Variants in ADGRG6 observed in about 807,000 individuals in gnomAD.
ADGRG6 encodes the protein adhesion G protein-coupled receptor G6, also known as G-protein coupled receptor 126.
Under a neutral mutation model 142.4 loss-of-function variants are expected in ADGRG6, and 84 were observed. The ratio of observed to expected loss-of-function variants is 0.59; its 90% CI spans 0.49 to 0.71. The LOEUF (loss-of-function observed/expected upper bound fraction) is 0.71. Ranked by LOEUF, ADGRG6 falls within the 30% of genes least tolerant of loss-of-function variation. The pLI is 0.00. For missense variants in ADGRG6, 1,367 were observed against 1,466.6 expected (o/e 0.93, Z 1.11); for synonymous variants, 521 against 520.5 (o/e 1.00, Z -0.01).
intron 17 of ADGRG6, among the ~76,000 whole-genome samples, chr6:142,410,597 A>T (rs1449590710): frequency 6.6e-6 from 1 of 152,112 alleles, no homozygotes; most frequent in African/African-American, 2.4e-5. Flanking sequence ...TACTTTGCTG[A>T]TGAAAACAGC....
At chr6:142,369,380 A>AT (rs1781112814) in intron 3 of ADGRG6, among the ~76,000 whole-genome samples, 2 of 152,188 alleles carry the variant, frequency 1.3e-5, no homozygotes, top group East Asian at 3.8e-4. Context: ...ATATTAACTT[A>AT]TTTAATTCTT....
At chr6:142,325,935 C>A (rs1189736318) in intron 2 of ADGRG6, among the ~76,000 whole-genome samples, 1 of 151,598 alleles carries the variant, frequency 6.6e-6, no homozygotes, top group Non-Finnish European at 1.5e-5. Flanking sequence ...TGAAGATATT[C>A]ATTTAAAACT....
At chr6:142,418,259 T>C (rs530481500) in intron 21 of ADGRG6, among the ~76,000 whole-genome samples, 2 of 136,980 alleles carry the variant, frequency 1.5e-5, no homozygotes, top group Non-Finnish European at 3.0e-5. Flanking sequence ...GATTGCACCA[T>C]GAACTCCAGC....
At chr6:142,395,021 A>G (rs1279266024) in intron 9 of ADGRG6, among the ~76,000 whole-genome samples, 1 of 152,126 alleles carries the variant, frequency 6.6e-6, no homozygotes, top group Non-Finnish European at 1.5e-5. Flanking sequence ...TTTTCAGGTG[A>G]TATCTTCTTA....
chr6:142,348,938 T>C (rs1270779066), intron 2 of ADGRG6, among the ~76,000 whole-genome samples: 2 of 152,188 alleles, frequency 1.3e-5, no homozygotes, highest in African/African-American at 2.4e-5. Flanking sequence ...CTTATGGGAA[T>C]ACTAGCACAG....
intron 2 of ADGRG6, among the ~76,000 whole-genome samples, chr6:142,335,054 A>G (rs1024210708): frequency 5.3e-5 from 8 of 152,212 alleles, no homozygotes; most frequent in African/African-American, 1.9e-4. Context: ...TCTGACAGGA[A>G]AGGGCTTACA....
chr6:142,390,997 AATATTT>A, intron 7 of ADGRG6, among the ~76,000 whole-genome samples: 1 of 151,948 alleles, frequency 6.6e-6, no homozygotes, highest in South Asian at 2.1e-4. Context: ...AACAATGCAT[AATATTT>A]CATTATGTGG....
intron 4 of ADGRG6, among the ~76,000 whole-genome samples, chr6:142,381,275 T>C (rs1246874343): frequency 6.6e-6 from 1 of 152,238 alleles, no homozygotes; most frequent in Non-Finnish European, 1.5e-5. Context: ...CATATACATA[T>C]ATATTTGTAT....
intron 2 of ADGRG6, among the ~76,000 whole-genome samples, chr6:142,363,933 C>T (rs75075455): frequency 0.012 from 1,766 of 151,456 alleles, 39 homozygotes; most frequent in African/African-American, 0.039. Context: ...AGAAATTGTC[C>T]GTTTAAAAAA....
chr6:142,362,132 G>T (rs975607020), intron 2 of ADGRG6, among the ~76,000 whole-genome samples: 1 of 152,206 alleles, frequency 6.6e-6, no homozygotes, highest in African/African-American at 2.4e-5. Context: ...TGTGGTGCAT[G>T]TGGGTATCTT....
rs143621610 is a variant in ADGRG6, at chr6:142,381,118, A to G, written c.1070-833A>G. Among the ~76,000 whole-genome samples, 1,167 of 152,324 alleles carry G rather than the reference A, an allele frequency of 7.7e-3. 22 individuals are homozygous for G. Among genetic ancestry groups the G allele is most frequent in the African/African-American group, 0.026 (1,096 of 41,570 alleles). On this transcript the variant is annotated intron_variant, in intron 4 of 24. Coordinates refer to ENST00000367609, the MANE Select transcript of ADGRG6 (RefSeq NM_198569.3). ...ATGCATACCGTTTACCTAGTTATGT[A>G]TCTTTTGTTAGCTCATGTGCGAGCT...
At chr6:142,333,302 T>C (rs1218225631) in intron 2 of ADGRG6, among the ~76,000 whole-genome samples, 1 of 152,186 alleles carries the variant, frequency 6.6e-6, no homozygotes, top group African/African-American at 2.4e-5. Context: ...TTGTTTTAAC[T>C]CATCACCAAG....
intron 2 of ADGRG6, among the ~76,000 whole-genome samples, chr6:142,338,419 T>A (rs886940341): frequency 6.6e-6 from 1 of 151,640 alleles, no homozygotes; most frequent in Non-Finnish European, 1.5e-5. Flanking sequence ...TTTCTTTGGC[T>A]GTAGTTCAAT....
intron 21 of ADGRG6, 118 bp from the exon 22 acceptor site, chr6:142,419,703 C>A: frequency 1.4e-6 from 1 of 714,378 alleles, no homozygotes. Flanking sequence ...AGTAAAGTGG[C>A]TTTCTAAAGA....
intron 22 of ADGRG6, among the ~76,000 whole-genome samples, chr6:142,428,132 G>A (rs750365743): frequency 6.6e-6 from 1 of 152,056 alleles, no homozygotes; most frequent in Non-Finnish European, 1.5e-5. Context: ...GTATGAAGGG[G>A]TATGTGTTTA....
chr6:142,340,344 CCTTATTATTCAAGA>C lies in ADGRG6; in HGVS notation c.104-27211_104-27198del, dbSNP rs372775438. Among the ~76,000 whole-genome samples, 49 of 152,074 alleles carry C rather than the reference CCTTATTATTCAAGA, an allele frequency of 3.2e-4. No individual in the cohort carries two copies. The South Asian group carries it at 5.2e-3, about 16-fold the overall frequency. ...GCTAATATGTACAAGTCTTGAATAACCTTATTATTCAAGACTTATTATTCAAGGTTATTTGTGGT... is the reference window on the plus strand; with the variant it reads ...GCTAATATGTACAAGTCTTGAATAACCTTATTATTCAAGGTTATTTGTGGT... On this transcript the variant is annotated intron_variant, in intron 2 of 24. Coordinates refer to ENST00000367609, the MANE Select transcript of ADGRG6 (RefSeq NM_198569.3).
At chr6:142,405,252 G>C in intron 14 of ADGRG6, 2 of 440,448 alleles carry the variant, frequency 4.5e-6, no homozygotes, top group Non-Finnish European at 9.1e-6. Flanking sequence ...TGCTATCTGA[G>C]AGTGTTCATA....
chr6:142,429,131 G>A (rs1406023336), intron 22 of ADGRG6, among the ~76,000 whole-genome samples: 1 of 152,124 alleles, frequency 6.6e-6, no homozygotes, highest in African/African-American at 2.4e-5. Context: ...CATTAAATGA[G>A]TAGAGGATAG....
intron 22 of ADGRG6, among the ~76,000 whole-genome samples, chr6:142,431,850 G>C (rs1029073773): frequency 3.3e-5 from 5 of 151,984 alleles, no homozygotes; most frequent in Non-Finnish European, 7.4e-5. Context: ...TTGAACCCAG[G>C]GGGCAGAGGT....
Sources: allele counts gnomAD v4.1 joint callset (sites outside exome capture counted in the v4.1 genomes callset), GRCh38; gene constraint gnomAD v4.1.1; transcripts MANE v1.5; gene names NCBI Gene and HGNC (gene_info 2026-07-23, HGNC 2026-07-21).